IL1RAPL1: variants seen among roughly 807,000 people sequenced by gnomAD.
The protein encoded by IL1RAPL1 is interleukin 1 receptor accessory protein like 1.
In IL1RAPL1, 3 loss-of-function variants were observed where a neutral mutation model predicts 48.4. That is an observed-to-expected ratio of 0.06 (90% CI 0.03 to 0.16). IL1RAPL1 has a LOEUF of 0.16. Among genes scored for constraint, IL1RAPL1 ranks in the 10% least tolerant of loss-of-function variants. IL1RAPL1 has a pLI of 1.00. For synonymous variants in IL1RAPL1, 185 were observed against 187.7 expected, an observed-to-expected ratio of 0.99 and a Z score of 0.12; for missense variants, 349 against 530.6, an observed-to-expected ratio of 0.66 and a Z score of 3.36.
At chrX:29,369,332 C>T (rs1422549506) in intron 3 of IL1RAPL1, 1 of 110,678 alleles carries the variant, frequency 9.0e-6, no homozygotes, top group Non-Finnish European at 1.9e-5. Context: ...AAAAAAAATG[C>T]TAAACACACC....
At chrX:28,689,097 G>A (rs992260833) in intron 1 of IL1RAPL1, among the ~76,000 whole-genome samples, 2 of 110,869 alleles carry the variant, frequency 1.8e-5, no homozygotes, top group Admixed American at 9.6e-5. Flanking sequence ...ACGTCAGTTC[G>A]CTCAGTAAAT....
intron 2 of IL1RAPL1, among the ~76,000 whole-genome samples, chrX:29,232,921 C>T (rs1272478959): frequency 9.1e-6 from 1 of 109,998 alleles, no homozygotes; most frequent in Non-Finnish European, 1.9e-5. Flanking sequence ...GTCTCGGCCT[C>T]CCTTGGAGCT....
At chrX:29,579,416 G>A (rs757781451) in intron 5 of IL1RAPL1, among the ~76,000 whole-genome samples, 5 of 111,750 alleles carry the variant, frequency 4.5e-5, no homozygotes, top group Non-Finnish European at 7.5e-5. Context: ...AGTGGAAGTT[G>A]CAGACTTAGT....
At chrX:29,823,066 G>C (rs780260852) in intron 6 of IL1RAPL1, among the ~76,000 whole-genome samples, 1 of 111,937 alleles carries the variant, frequency 8.9e-6, no homozygotes, top group Non-Finnish European at 1.9e-5. Context: ...AATAAACTTG[G>C]GAAGATTGTG....
chrX:29,799,698 A>G (rs1929829924), intron 6 of IL1RAPL1, among the ~76,000 whole-genome samples: 1 of 112,353 alleles, frequency 8.9e-6, no homozygotes, highest in Non-Finnish European at 1.9e-5. Context: ...TGGCTACCAT[A>G]GTGGACAGTG....
intron 5 of IL1RAPL1, among the ~76,000 whole-genome samples, chrX:29,477,586 CTA>C (rs1351565654): frequency 8.9e-6 from 1 of 112,135 alleles, no homozygotes; most frequent in Non-Finnish European, 1.9e-5. Context: ...TAGTGCATCT[CTA>C]TGTCAGTCAC....
At chrX:29,455,226 T>A (rs1486759311) in intron 5 of IL1RAPL1, among the ~76,000 whole-genome samples, 2 of 111,494 alleles carry the variant, frequency 1.8e-5, no homozygotes, top group African/African-American at 6.5e-5. Context: ...AACTTAAAAT[T>A]TTTTAAAAAA....
chrX:29,429,133 T>G (rs986209297), intron 5 of IL1RAPL1, among the ~76,000 whole-genome samples: 3 of 112,083 alleles, frequency 2.7e-5, no homozygotes, highest in African/African-American at 9.7e-5. Flanking sequence ...TAGTGATACC[T>G]TTAAAGAAAT....
intron 2 of IL1RAPL1, among the ~76,000 whole-genome samples, chrX:29,045,866 A>C (rs1926944647): frequency 9.1e-6 from 1 of 109,515 alleles, no homozygotes; most frequent in African/African-American, 3.3e-5. Context: ...ATTTTTAAAG[A>C]TTATTTTTTA....
At chrX:28,643,316 A>C (rs1934569103) in intron 1 of IL1RAPL1, among the ~76,000 whole-genome samples, 2 of 111,415 alleles carry the variant, frequency 1.8e-5, no homozygotes, top group African/African-American at 6.5e-5. Context: ...GAGCATGCTC[A>C]AGAAATGGAA....
intron 2 of IL1RAPL1, among the ~76,000 whole-genome samples, chrX:29,061,843 G>A (rs183402721): frequency 8.9e-6 from 1 of 112,477 alleles, no homozygotes; most frequent in African/African-American, 3.2e-5. Context: ...CTGTGTAGTT[G>A]TTCTTTAGTT....
chrX:28,899,625 C>T (rs751758903), intron 2 of IL1RAPL1, among the ~76,000 whole-genome samples: 6 of 112,309 alleles, frequency 5.3e-5, no homozygotes, highest in African/African-American at 9.7e-5. Context: ...AGATCACATC[C>T]CATTAGGTCA....
chrX:28,997,891 G>A (rs1428986075), intron 2 of IL1RAPL1, among the ~76,000 whole-genome samples: 1 of 111,435 alleles, frequency 9.0e-6, no homozygotes, highest in African/African-American at 3.3e-5. Flanking sequence ...GAGTCTCCAA[G>A]ACATTGAAGG....
intron 6 of IL1RAPL1, among the ~76,000 whole-genome samples, chrX:29,674,671 G>T (rs1220765961): frequency 9.0e-6 from 1 of 111,614 alleles, no homozygotes; most frequent in Non-Finnish European, 1.9e-5. Context: ...TTGTGACCCA[G>T]CTGCTAGTAC....
intron 2 of IL1RAPL1, among the ~76,000 whole-genome samples, chrX:28,954,792 GA>G (rs1924560147): frequency 4.5e-5 from 5 of 111,486 alleles, no homozygotes; most frequent in African/African-American, 1.3e-4. Context: ...GCCTAAAAAT[GA>G]CTAGGCAAAA....
At chrX:29,377,956 T>A (rs760278655) in intron 3 of IL1RAPL1, among the ~76,000 whole-genome samples, 13 of 111,303 alleles carry the variant, frequency 1.2e-4, no homozygotes, top group Admixed American at 7.6e-4. Context: ...ACATATTTTT[T>A]AAGTTGCTTA....
intron 1 of IL1RAPL1, among the ~76,000 whole-genome samples, chrX:28,763,688 A>G (rs1459108440): frequency 1.8e-5 from 2 of 111,308 alleles, no homozygotes; most frequent in African/African-American, 3.3e-5. Flanking sequence ...CTCTAGTCCT[A>G]TGTTATGTCA....
At chrX:29,600,912 A>G (rs1390713753) in intron 5 of IL1RAPL1, among the ~76,000 whole-genome samples, 2 of 111,254 alleles carry the variant, frequency 1.8e-5, no homozygotes, top group Non-Finnish European at 3.8e-5. Flanking sequence ...GGCTGGTCTC[A>G]ATCCCACCAT....
chrX:29,536,716 G>A (rs1921244036), intron 5 of IL1RAPL1, among the ~76,000 whole-genome samples: 1 of 109,579 alleles, frequency 9.1e-6, no homozygotes, highest in Non-Finnish European at 1.9e-5. Flanking sequence ...GTTTCTTCAA[G>A]TAATAATAAA....
Sources: gnomAD v4.1 joint callset for allele counts (sites outside exome capture counted in the v4.1 genomes callset) on GRCh38, gnomAD v4.1.1 for gene constraint, MANE v1.5 for transcripts, NCBI Gene and HGNC (gene_info 2026-07-23, HGNC 2026-07-21) for gene names.